The following CNTN5 variants were observed in gnomAD, a reference collection of about 807,000 sequenced individuals.
The protein encoded by CNTN5 is contactin 5.
A neutral mutation model predicts 129.1 loss-of-function variants in CNTN5; 77 were observed. That is an observed-to-expected ratio of 0.60 (90% CI 0.50 to 0.72). The LOEUF (loss-of-function observed/expected upper bound fraction) is 0.72, where lower values mean the gene tolerates loss of function less well. Among genes scored for constraint, CNTN5 ranks in the 30% least tolerant of loss-of-function variants. The probability of loss-of-function intolerance (pLI) is 0.00; values close to 1 mark genes in which losing one functional copy is unlikely to be tolerated. For missense variants in CNTN5, 1,478 were observed against 1,328.8 expected (o/e 1.11, Z -1.75); for synonymous variants, 509 against 465.6 (o/e 1.09, Z -1.20).
At chr11:99,858,666 G>T (rs12796250) in intron 6 of CNTN5, among the ~76,000 whole-genome samples, 147,261 of 147,568 alleles carry the variant, frequency 1, 73,488 homozygotes, top group Middle Eastern at 1. Flanking sequence ...TTGTGTTTTC[G>T]AGAGTTTTTT....
At chr11:99,882,883 A>G (rs1467334340) in intron 6 of CNTN5, among the ~76,000 whole-genome samples, 1 of 152,050 alleles carries the variant, frequency 6.6e-6, no homozygotes, top group Middle Eastern at 3.4e-3. Context: ...CATTCCCAGC[A>G]TCTGGTAACC....
chr11:99,924,235 T>G (rs1004585563), intron 7 of CNTN5, among the ~76,000 whole-genome samples: 2 of 152,228 alleles, frequency 1.3e-5, no homozygotes, highest in Non-Finnish European at 2.9e-5. Context: ...TGTTTTCTTT[T>G]GAGAAGTGTC....
intron 2 of CNTN5, among the ~76,000 whole-genome samples, chr11:99,519,711 A>G (rs1306537785): frequency 6.6e-6 from 1 of 152,116 alleles, no homozygotes; most frequent in Non-Finnish European, 1.5e-5. Flanking sequence ...GTTTAACTGC[A>G]TAAAAATATA....
At chr11:99,784,308 C>G (rs1285416815) in intron 3 of CNTN5, among the ~76,000 whole-genome samples, 1 of 151,950 alleles carries the variant, frequency 6.6e-6, no homozygotes, top group Non-Finnish European at 1.5e-5. Context: ...TAGCCCCCCA[C>G]CCCCACATAG....
intron 2 of CNTN5, among the ~76,000 whole-genome samples, chr11:99,416,654 A>G (rs932986278): frequency 1.3e-5 from 2 of 152,104 alleles, no homozygotes; most frequent in East Asian, 3.9e-4. Flanking sequence ...ATTTACCAAG[A>G]CAGTTGTAGG....
Position 100,257,738 on chromosome 11 carries a change from C to A in CNTN5, c.2164+1820C>A, listed in dbSNP as rs149474502. Among the ~76,000 whole-genome samples the A allele has an allele frequency of 8.7e-3, 1,322 of 152,272 alleles. 10 individuals carry two copies. Among genetic ancestry groups the A allele is most frequent in the Non-Finnish European group, 0.012 (845 of 68,016 alleles). On this transcript the variant is annotated intron_variant, in intron 17 of 24. Coordinates refer to ENST00000524871, the MANE Select transcript of CNTN5 (RefSeq NM_014361.4). Reference sequence around the variant, plus strand: ...AAAACTAACAAACAGAAAGGAATAGCATCAACATTAACAAAAAGAATGTCC... The same window carrying A: ...AAAACTAACAAACAGAAAGGAATAGAATCAACATTAACAAAAAGAATGTCC...
At chr11:100,035,908 T>G (rs1476947516) in intron 9 of CNTN5, among the ~76,000 whole-genome samples, 1 of 152,332 alleles carries the variant, frequency 6.6e-6, no homozygotes, top group Non-Finnish European at 1.5e-5. Context: ...TTTCTCCCAT[T>G]CTGTAGTTTG....
At chr11:99,280,907 T>C (rs961790607) in intron 1 of CNTN5, among the ~76,000 whole-genome samples, 1 of 151,746 alleles carries the variant, frequency 6.6e-6, no homozygotes, top group South Asian at 2.1e-4. Context: ...ATTGAATATA[T>C]TTACAGTTAT....
At chr11:100,272,825 G>A (rs997491929) in intron 18 of CNTN5, among the ~76,000 whole-genome samples, 2 of 152,126 alleles carry the variant, frequency 1.3e-5, no homozygotes, top group African/African-American at 4.8e-5. Context: ...TGGAACCCCA[G>A]CAGAAGGAGA....
rs140999244 is a variant in CNTN5 at position 100,029,153 on chromosome 11, GA to G, written c.980+27028del. 5.6e-3 allele frequency among the ~76,000 whole-genome samples: 821 copies of G among 145,736 alleles called. 4 individuals carry two copies. The highest frequency in any genetic ancestry group is 0.021 in the East Asian group (106 of 5,038). On this transcript the variant is annotated intron_variant, in intron 9 of 24. Coordinates refer to ENST00000524871, the MANE Select transcript of CNTN5 (RefSeq NM_014361.4). ...AAAACATACATGTGATTCAGATATA[GA>G]AAAAAAAAAATGACAAAACAAAACA...
At chr11:99,504,322 C>T (rs1211188327) in intron 2 of CNTN5, among the ~76,000 whole-genome samples, 1 of 152,022 alleles carries the variant, frequency 6.6e-6, no homozygotes, top group Non-Finnish European at 1.5e-5. Context: ...GTGGGCACAT[C>T]ATGAGGGCAG....
intron 2 of CNTN5, among the ~76,000 whole-genome samples, chr11:99,375,598 T>C (rs2136144596): frequency 6.6e-6 from 1 of 152,260 alleles, no homozygotes; most frequent in African/African-American, 2.4e-5. Context: ...AATACAACAG[T>C]GATTTACAAA....
chr11:99,923,745 A>ATCTGTCTG (rs1267672941), intron 7 of CNTN5, among the ~76,000 whole-genome samples: 2 of 94,928 alleles, frequency 2.1e-5, no homozygotes, highest in African/African-American at 9.2e-5. Context: ...TGTCTATCTA[A>ATCTGTCTG]TCTATCTGTC....
intron 1 of CNTN5, among the ~76,000 whole-genome samples, chr11:99,196,647 C>A (rs953284810): frequency 6.6e-6 from 1 of 151,584 alleles, no homozygotes; most frequent in East Asian, 1.9e-4. Flanking sequence ...GTGTTTTTTT[C>A]CTGAACTTTC....
At chr11:99,647,536 C>G (rs1382324830) in intron 3 of CNTN5, among the ~76,000 whole-genome samples, 2 of 151,762 alleles carry the variant, frequency 1.3e-5, no homozygotes, top group Non-Finnish European at 2.9e-5. Flanking sequence ...TTTTGTGGTT[C>G]CATACAAACG....
At chr11:99,377,742 C>A (rs1326993916) in intron 2 of CNTN5, among the ~76,000 whole-genome samples, 2 of 151,842 alleles carry the variant, frequency 1.3e-5, no homozygotes, top group African/African-American at 4.8e-5. Flanking sequence ...ATCTTTGGTT[C>A]TTCTGAAAGG....
rs1951975891 is a variant in CNTN5 at position 100,334,219 on chromosome 11, AC to A, written c.2731-6242del. ...AATGATCAGGGAAATACAAATCAAAACCACAAAGAGATACCACCTCACTCCT... is the reference window on the plus strand; with the variant it reads ...AATGATCAGGGAAATACAAATCAAAACACAAAGAGATACCACCTCACTCCT... On this transcript the variant is annotated intron_variant, in intron 21 of 24. Transcript: ENST00000524871. Among the ~76,000 whole-genome samples, 3 of 152,306 alleles carry A rather than the reference AC, an allele frequency of 2.0e-5. No homozygotes were observed. The South Asian group carries it at 6.2e-4, about 32-fold the overall frequency.
chr11:99,824,828 T>G (rs1404722088), intron 4 of CNTN5, among the ~76,000 whole-genome samples: 1 of 152,040 alleles, frequency 6.6e-6, no homozygotes, highest in Non-Finnish European at 1.5e-5. Flanking sequence ...TCTCCACTGA[T>G]TTGTGAAACC....
intron 1 of CNTN5, among the ~76,000 whole-genome samples, chr11:99,270,087 C>T (rs17576589): frequency 0.28 from 42,601 of 151,468 alleles, 6,265 homozygotes; most frequent in Middle Eastern, 0.35. Context: ...GTATCCTGTG[C>T]TCATTTTAAC....
Sources: gnomAD v4.1 joint callset for allele counts (sites outside exome capture counted in the v4.1 genomes callset) on GRCh38, gnomAD v4.1.1 for gene constraint, MANE v1.5 for transcripts, NCBI Gene and HGNC (gene_info 2026-07-23, HGNC 2026-07-21) for gene names.